ITGBL1: variants seen among roughly 807,000 people sequenced by gnomAD.
The protein encoded by ITGBL1 is integrin subunit beta like 1.
In ITGBL1, 51 loss-of-function variants were observed where a neutral mutation model predicts 68.5. That is an observed-to-expected ratio of 0.74 (90% confidence interval 0.59 to 0.94). The LOEUF is 0.94. Among genes scored for constraint, ITGBL1 ranks in the 40% least tolerant of loss-of-function variants. ITGBL1 has a pLI of 0.00. For synonymous variants in ITGBL1, 209 were observed against 227.3 expected (o/e 0.92, Z 0.72); for missense variants, 649 against 647.4 (o/e 1.00, Z -0.03).
intron 7 of ITGBL1, among the ~76,000 whole-genome samples, chr13:101,626,926 A>G (rs1380197834): frequency 6.6e-6 from 1 of 152,200 alleles, no homozygotes. Flanking sequence ...ACACTGGTAT[A>G]TCTTAAAAAG....
chr13:101,660,379 C>T (rs1321599507), intron 7 of ITGBL1, among the ~76,000 whole-genome samples: 1 of 152,030 alleles, frequency 6.6e-6, no homozygotes, highest in African/African-American at 2.4e-5. Context: ...GGACTCAGGA[C>T]TGGTTGGCAA....
intron 7 of ITGBL1, among the ~76,000 whole-genome samples, chr13:101,634,359 T>C (rs1034032609): frequency 4.6e-5 from 7 of 152,114 alleles, no homozygotes; most frequent in African/African-American, 1.7e-4. Flanking sequence ...CATGATAATG[T>C]AACAGATCAT....
intron 2 of ITGBL1, among the ~76,000 whole-genome samples, chr13:101,478,743 A>G (rs1037185677): frequency 2.6e-5 from 4 of 151,962 alleles, no homozygotes; most frequent in Admixed American, 6.6e-5. Context: ...TACAAATAAA[A>G]TGAGTTAACC....
chr13:101,453,608 T>C (rs1429826744), intron 1 of ITGBL1, among the ~76,000 whole-genome samples: 1 of 152,230 alleles, frequency 6.6e-6, no homozygotes, highest in Non-Finnish European at 1.5e-5. Flanking sequence ...AGTTCACCTC[T>C]GTCCACCTGG....
At chr13:101,457,046 A>G (rs1312816635) in intron 2 of ITGBL1, among the ~76,000 whole-genome samples, 2 of 152,230 alleles carry the variant, frequency 1.3e-5, no homozygotes, top group African/African-American at 4.8e-5. Flanking sequence ...TAAAATGGGA[A>G]TAACAGTACC....
At chr13:101,604,901 C>CACACACACACACACACACACACACAT (rs1566753055) in intron 7 of ITGBL1, among the ~76,000 whole-genome samples, 1 of 90,750 alleles carries the variant, frequency 1.1e-5, no homozygotes, top group Non-Finnish European at 2.4e-5. Flanking sequence ...CACACACACA[C>CACACACACACACACACACACACACAT]ATATATATGT....
chr13:101,584,107 T>G (rs1254406269), intron 6 of ITGBL1, among the ~76,000 whole-genome samples: 1 of 152,224 alleles, frequency 6.6e-6, no homozygotes, highest in Non-Finnish European at 1.5e-5. Flanking sequence ...TAATTAAATA[T>G]CAATTAGTAG....
At chr13:101,456,594 T>C (rs1012796704) in intron 2 of ITGBL1, among the ~76,000 whole-genome samples, 3 of 152,196 alleles carry the variant, frequency 2.0e-5, no homozygotes, top group African/African-American at 7.2e-5. Context: ...CCTTCTCTTA[T>C]AGTACTATAT....
At chr13:101,701,693 C>T (rs1380413977) in intron 8 of ITGBL1, among the ~76,000 whole-genome samples, 1 of 152,006 alleles carries the variant, frequency 6.6e-6, no homozygotes, top group Non-Finnish European at 1.5e-5. Flanking sequence ...TCTCATACTA[C>T]AACATGGAAG....
At chr13:101,509,006 G>T (rs1274464781) in intron 2 of ITGBL1, among the ~76,000 whole-genome samples, 2 of 152,058 alleles carry the variant, frequency 1.3e-5, no homozygotes, top group African/African-American at 2.4e-5. Context: ...GAAAAGAAAA[G>T]TAAAGCTTTC....
At chr13:101,642,227 G>T (rs1308609583) in intron 7 of ITGBL1, among the ~76,000 whole-genome samples, 5 of 152,036 alleles carry the variant, frequency 3.3e-5, no homozygotes. Context: ...AGCACTTGTT[G>T]TTTCCTGACT....
Position 101,452,809 on chromosome 13 carries a change from GC to G in ITGBL1, c.-22del. ...ACCCCACCTTGCAGAAGTGCAGCTC[GC>G]CCGGAGCAGCCCAGGAGCTCAGCAT... On this transcript the variant is annotated 5_prime_UTR_variant, in exon 1 of 11. Coordinates refer to ENST00000376180, the MANE Select transcript of ITGBL1 (RefSeq NM_004791.3). The G allele has an allele frequency of 6.2e-7, 1 of 1,601,070 alleles. No individual in the cohort carries two copies. Among genetic ancestry groups the G allele is most frequent in the South Asian group, 1.1e-5 (1 of 90,788 alleles).
At chr13:101,583,386 G>A in intron 6 of ITGBL1, 30 bp downstream of exon 6, 3 of 1,428,694 alleles carry the variant, frequency 2.1e-6, no homozygotes, top group Non-Finnish European at 2.8e-6. Flanking sequence ...CTGTTTTTCT[G>A]GAGGGGGAGG....
At chr13:101,637,303 G>A (rs1308748212) in intron 7 of ITGBL1, among the ~76,000 whole-genome samples, 5 of 151,480 alleles carry the variant, frequency 3.3e-5, no homozygotes, top group African/African-American at 9.7e-5. Context: ...AAGTTAAATC[G>A]GTGCTGGGGA....
intron 7 of ITGBL1, among the ~76,000 whole-genome samples, chr13:101,615,834 C>A (rs536105925): frequency 7.6e-4 from 116 of 151,966 alleles, no homozygotes; most frequent in Non-Finnish European, 1.4e-3. Flanking sequence ...ACAAAAGAGA[C>A]CCCAGAAAGC....
At chr13:101,476,436 C>A (rs1258329999) in intron 2 of ITGBL1, among the ~76,000 whole-genome samples, 1 of 151,786 alleles carries the variant, frequency 6.6e-6, no homozygotes, top group Non-Finnish European at 1.5e-5. Context: ...GGAAAGATGA[C>A]AAAACAACCA....
chr13:101,605,962 ACATATATATG>A (rs2030812040), intron 7 of ITGBL1, among the ~76,000 whole-genome samples: 1 of 147,490 alleles, frequency 6.8e-6, no homozygotes, highest in Non-Finnish European at 1.5e-5. Context: ...ACACATATAC[ACATATATATG>A]CATATATGTG....
chr13:101,633,191 A>G lies in ITGBL1; in HGVS notation c.1015+34892A>G, dbSNP rs997782620. ...CCCTTTCAGGCATATCACAGTTGGG[A>G]CCACCGTCTGAGTTCATTTTAAGCC... On this transcript the variant is annotated intron_variant, in intron 7 of 10. Coordinates refer to ENST00000376180, the MANE Select transcript of ITGBL1 (RefSeq NM_004791.3). Among the ~76,000 whole-genome samples the G allele has an allele frequency of 2.6e-5, 4 of 152,140 alleles. No individual in the cohort carries two copies. The East Asian group carries it at 7.7e-4, about 29-fold the overall frequency.
intron 7 of ITGBL1, among the ~76,000 whole-genome samples, chr13:101,647,333 A>G (rs1012655912): frequency 2.0e-5 from 3 of 152,234 alleles, no homozygotes; most frequent in Admixed American, 6.5e-5. Flanking sequence ...ATATTTGTCT[A>G]TAATTCATTT....
Sources: gnomAD v4.1 joint callset for allele counts (sites outside exome capture counted in the v4.1 genomes callset) on GRCh38, gnomAD v4.1.1 for gene constraint, MANE v1.5 for transcripts, NCBI Gene and HGNC (gene_info 2026-07-23, HGNC 2026-07-21) for gene names.